The following ZC3H14 variants were observed in gnomAD, a reference collection of about 807,000 sequenced individuals.
ZC3H14 encodes the protein zinc finger CCCH domain-containing protein 14.
ZC3H14 carries 31 observed loss-of-function variants against 92.4 expected under a neutral mutation model. The observed-to-expected ratio is 0.34, with a 90% CI of 0.25 to 0.45. The LOEUF (loss-of-function observed/expected upper bound fraction) is 0.45, where lower values mean the gene tolerates loss of function less well. Among genes scored for constraint, ZC3H14 ranks in the 20% least tolerant of loss-of-function variants. The probability of loss-of-function intolerance (pLI) is 1.00; values close to 1 mark genes in which losing one functional copy is unlikely to be tolerated. For missense variants in ZC3H14, 781 were observed against 897.3 expected (o/e 0.87, Z 1.66); for synonymous variants, 321 against 300.9 (o/e 1.07, Z -0.69).
At chr14:88,605,582 C>T (rs765256293) in intron 12 of ZC3H14, among the ~76,000 whole-genome samples, 2 of 152,224 alleles carry the variant, frequency 1.3e-5, no homozygotes, top group Non-Finnish European at 2.9e-5. Context: ...GATCTGCCCG[C>T]CTCGGCCTCC....
At chr14:88,564,250 CCT>C (rs1208307626) in intron 2 of ZC3H14, among the ~76,000 whole-genome samples, 1 of 152,020 alleles carries the variant, frequency 6.6e-6, no homozygotes, top group East Asian at 1.9e-4. Flanking sequence ...TTATGTTTTC[CCT>C]CTCTCTCTGA....
chr14:88,572,517 A>G, intron 5 of ZC3H14, 61 bp from the exon 6 acceptor site: 1 of 1,590,792 alleles, frequency 6.3e-7, no homozygotes, highest in Admixed American at 1.7e-5. Context: ...AACATTCTTT[A>G]AAGATTTGGT....
Position 88,616,934 on chromosome 14 carries a change from A to G in ZC3H14, c.*5183A>G. 6.4e-7 allele frequency: 1 copy of G among 1,557,410 alleles called. No homozygotes were observed. Among genetic ancestry groups the G allele is most frequent in the Non-Finnish European group, 8.7e-7 (1 of 1,144,514 alleles). ...CATGGCAAGTGCGGGCAGGTTGACT[A>G]TATTCAAAAAGTTTCTTGGCAATTA... On this transcript the variant is annotated 3_prime_UTR_variant, in exon 17 of 17. Transcript: ENST00000251038.
Position 88,607,228 on chromosome 14 carries a change from C to A in ZC3H14, c.1748-15C>A. 6.2e-7 allele frequency: 1 copy of A among 1,614,000 alleles called. No individual in the cohort carries two copies. Among genetic ancestry groups the A allele is most frequent in the Non-Finnish European group, 8.5e-7 (1 of 1,179,934 alleles). ...CATAATGAATGAAATACTTTTATTT[C>A]CTTTCCCTTTGTAGCTGAGATGAGT... On this transcript the variant is annotated splice_polypyrimidine_tract_variant and intron_variant, in intron 12 of 16. Coordinates refer to ENST00000251038, the MANE Select transcript of ZC3H14 (RefSeq NM_024824.5).
In ZC3H14 at chr14:88,616,852, G is replaced by T. The variant is rs1480765931; in HGVS notation, c.*5101G>T. ...CAGCTTTCTCAGCATGTCTGGACCAGATTCCCAAAACCTCATCTCCTAGAA... is the reference window on the plus strand; with the variant it reads ...CAGCTTTCTCAGCATGTCTGGACCATATTCCCAAAACCTCATCTCCTAGAA... On this transcript the variant is annotated 3_prime_UTR_variant, in exon 17 of 17. Transcript: ENST00000251038. 6.2e-7 allele frequency: 1 copy of T among 1,613,814 alleles called. No homozygotes were observed. The highest frequency in any genetic ancestry group is 1.1e-5 in the South Asian group (1 of 91,054).
At chr14:88,563,441 G>A in intron 1 of ZC3H14, 1 of 1,436,138 alleles carries the variant, frequency 7.0e-7, no homozygotes, top group Non-Finnish European at 9.0e-7. Context: ...CGCCGCTTTG[G>A]ATCCGCTGCG....
intron 4 of ZC3H14, among the ~76,000 whole-genome samples, chr14:88,571,591 TTATTA>T (rs1485800693): frequency 6.6e-6 from 1 of 152,220 alleles, no homozygotes; most frequent in Non-Finnish European, 1.5e-5. Context: ...TTGGTGATTT[TTATTA>T]TATTTTTAAA....
chr14:88,604,669 C>G (rs998965417), intron 12 of ZC3H14, among the ~76,000 whole-genome samples: 3 of 151,476 alleles, frequency 2.0e-5, no homozygotes, highest in Non-Finnish European at 4.4e-5. Context: ...TCTCAGCTCA[C>G]TGCAACTTCT....
rs1364983506 is a variant in ZC3H14, at chr14:88,620,794, C to T, written c.*9043C>T. 1 of 1,606,146 alleles carries T rather than the reference C, an allele frequency of 6.2e-7. No individual in the cohort carries two copies. Among genetic ancestry groups the T allele is most frequent in the South Asian group, 1.1e-5 (1 of 89,118 alleles). On this transcript the variant is annotated 3_prime_UTR_variant, in exon 17 of 17. Coordinates refer to ENST00000251038, the MANE Select transcript of ZC3H14 (RefSeq NM_024824.5). This position sits in a 1 kb window ranked among gnomAD's most constrained non-coding sequence, Gnocchi z 4.3. ...GCACATCTCCTGTCTCTCTTCTTTC[C>T]CCATATTTTTAGAGAACTCACTAGT...
At chr14:88,586,216 AT>A (rs1174942052) in intron 9 of ZC3H14, among the ~76,000 whole-genome samples, 1 of 152,102 alleles carries the variant, frequency 6.6e-6, no homozygotes, top group Non-Finnish European at 1.5e-5. Context: ...CATTTTTGTA[AT>A]TTTTTCCAGG....
chr14:88,570,629 A>G (rs193039105), intron 3 of ZC3H14, among the ~76,000 whole-genome samples: 2 of 152,308 alleles, frequency 1.3e-5, no homozygotes, highest in African/African-American at 4.8e-5. Context: ...ACTTACAAAC[A>G]GGGTGACATA....
rs140717476 is a variant in ZC3H14 at position 88,582,670 on chromosome 14, T to C, written c.1279+4530T>C. Among the ~76,000 whole-genome samples the C allele has an allele frequency of 1.5e-3, 222 of 152,298 alleles. 2 individuals are homozygous for C. The highest frequency in any genetic ancestry group is 4.8e-3 in the African/African-American group (200 of 41,564). On this transcript the variant is annotated intron_variant, in intron 9 of 16. Transcript: ENST00000251038. ...TTTGCCTTACAAAAATTCATTAAGCTATATGTTTGTGTGGTTTTCTATACT... is the reference window on the plus strand; with the variant it reads ...TTTGCCTTACAAAAATTCATTAAGCCATATGTTTGTGTGGTTTTCTATACT...
At chr14:88,594,589 C>G in intron 9 of ZC3H14, 1 of 1,542,424 alleles carries the variant, frequency 6.5e-7, no homozygotes, top group East Asian at 2.3e-5. Flanking sequence ...GTTATTTGCT[C>G]TTAATACGTC....
chr14:88,585,596 C>T (rs930906559), intron 9 of ZC3H14, among the ~76,000 whole-genome samples: 2 of 152,006 alleles, frequency 1.3e-5, no homozygotes, highest in Non-Finnish European at 2.9e-5. Context: ...AGGATGGTCT[C>T]AATCTCTTGA....
chr14:88,575,278 G>A (rs1464505443), intron 7 of ZC3H14, among the ~76,000 whole-genome samples: 1 of 152,134 alleles, frequency 6.6e-6, no homozygotes, highest in Non-Finnish European at 1.5e-5. Flanking sequence ...TTTCCATTGG[G>A]TTTTGAGAAA....
chr14:88,625,359 C>A lies in ZC3H14; in HGVS notation c.*13608C>A. On this transcript the variant is annotated 3_prime_UTR_variant, in exon 17 of 17. Transcript: ENST00000251038. ...GCTTATTAGCTAGAATAACCTTAGA[C>A]AATTCTTCCCTTCCAATTCTAACAT... 2.2e-6 allele frequency: 1 copy of A among 462,050 alleles called. No homozygotes were observed. Among genetic ancestry groups the A allele is most frequent in the Non-Finnish European group, 3.8e-6 (1 of 262,322 alleles). 28.6% of individuals were successfully genotyped at this position (462,050 alleles called of 1,614,324 possible).
chr14:88,618,401 G>C lies in ZC3H14; in HGVS notation c.*6650G>C, dbSNP rs1172317782. 1 of 1,346,768 alleles carries C rather than the reference G, an allele frequency of 7.4e-7. No individual in the cohort carries two copies. Among genetic ancestry groups the C allele is most frequent in the Non-Finnish European group, 1.1e-6 (1 of 947,840 alleles). 83.4% of individuals were successfully genotyped at this position (1,346,768 alleles called of 1,614,324 possible). A position where few individuals can be genotyped will look rare whatever the true frequency, so the allele number is the denominator to read the frequency against. ...AGACAAAATCCACAGGGGGTTTACA[G>C]AATACTAGCATATTGCTACTTGATT... On this transcript the variant is annotated 3_prime_UTR_variant, in exon 17 of 17. Coordinates refer to ENST00000251038, the MANE Select transcript of ZC3H14 (RefSeq NM_024824.5).
At position 88,619,444 on chromosome 14, in the gene ZC3H14, A is replaced by G. The variant is rs865880971; in HGVS notation, c.*7693A>G. 4 of 152,272 alleles carry G rather than the reference A, an allele frequency of 2.6e-5. No homozygotes were observed. Among genetic ancestry groups the G allele is most frequent in the Admixed American group, 6.5e-5 (1 of 15,284 alleles). 9.4% of individuals were successfully genotyped at this position (152,272 alleles called of 1,614,324 possible). On this transcript the variant is annotated 3_prime_UTR_variant, in exon 17 of 17. Coordinates refer to ENST00000251038, the MANE Select transcript of ZC3H14 (RefSeq NM_024824.5). ...GGTCCCAAACTCCTGGCCTCAAGCAATCCTTCCCCCTTGGCCTCCCAAGGT... is the reference window on the plus strand; with the variant it reads ...GGTCCCAAACTCCTGGCCTCAAGCAGTCCTTCCCCCTTGGCCTCCCAAGGT...
chr14:88,568,739 A>T (rs1449001954), intron 3 of ZC3H14, among the ~76,000 whole-genome samples: 1 of 152,210 alleles, frequency 6.6e-6, no homozygotes, highest in Non-Finnish European at 1.5e-5. Context: ...TATAAAATGG[A>T]AATAGTACAG....
Sources: allele counts gnomAD v4.1 joint callset (sites outside exome capture counted in the v4.1 genomes callset), GRCh38; gene constraint gnomAD v4.1.1; non-coding constraint Gnocchi (gnomAD v3.1); transcripts MANE v1.5; gene names NCBI Gene and HGNC (gene_info 2026-07-23, HGNC 2026-07-21).